The following TMEM114 variants were observed in gnomAD, a reference collection of about 807,000 sequenced individuals.
The protein encoded by TMEM114 is claudin-26.
TMEM114 carries 6 observed loss-of-function variants against 6.2 expected under a neutral mutation model. The observed-to-expected ratio is 0.97, with a 90% CI of 0.53 to 1.91. TMEM114 has a LOEUF of 1.91. Ranked by LOEUF, TMEM114 falls within the 40% of genes most tolerant of loss-of-function variation. The probability of loss-of-function intolerance (pLI) is 0.01; values close to 1 mark genes in which losing one functional copy is unlikely to be tolerated. For synonymous variants in TMEM114, 104 were observed against 73.0 expected, an observed-to-expected ratio of 1.42 and a Z score of -2.16; for missense variants, 218 against 158.3, an observed-to-expected ratio of 1.38 and a Z score of -2.02.
chr16:8,542,686 T>C (rs1369168791), intron 2 of TMEM114, among the ~76,000 whole-genome samples: 3 of 152,090 alleles, frequency 2.0e-5, no homozygotes, highest in Non-Finnish European at 4.4e-5. Flanking sequence ...AGGTGCACTA[T>C]TCAGAAGCAC....
the TMEM114 span, among the ~76,000 whole-genome samples, chr16:8,528,642 T>G: frequency 6.6e-6 from 1 of 152,226 alleles, no homozygotes; most frequent in African/African-American, 2.4e-5. Context: ...GGTATTTAAA[T>G]CGCAGCCTTG....
intron 2 of TMEM114, among the ~76,000 whole-genome samples, chr16:8,545,739 A>G (rs1300843573): frequency 6.6e-6 from 1 of 152,206 alleles, no homozygotes; most frequent in Non-Finnish European, 1.5e-5. Flanking sequence ...CCCTTCTCCA[A>G]CTATATTACC....
At chr16:8,544,191 A>C (rs1320911264) in intron 2 of TMEM114, among the ~76,000 whole-genome samples, 1 of 152,232 alleles carries the variant, frequency 6.6e-6, no homozygotes, top group East Asian at 1.9e-4. Flanking sequence ...GCAAAGACCA[A>C]GTAAAGCATA....
downstream of TMEM114, among the ~76,000 whole-genome samples, chr16:8,533,957 G>C (rs191085439): frequency 2.0e-5 from 3 of 152,242 alleles, no homozygotes; most frequent in East Asian, 5.8e-4. Flanking sequence ...TGTGACATCT[G>C]ACCACGAAAG....
intron 2 of TMEM114, among the ~76,000 whole-genome samples, chr16:8,561,943 A>C (rs1164489775): frequency 6.6e-6 from 1 of 152,130 alleles, no homozygotes; most frequent in African/African-American, 2.4e-5. Context: ...TGAGTAAGTG[A>C]ATGAGTGAAT....
chr16:8,589,911 C>A lies in TMEM114; in HGVS notation c.-73G>T, dbSNP rs1596316704. 3 of 392,036 alleles carry A rather than the reference C, an allele frequency of 7.7e-6. No homozygotes were observed. Among genetic ancestry groups the A allele is most frequent in the East Asian group, 7.3e-5 (2 of 27,544 alleles). 24.3% of individuals were successfully genotyped at this position (392,036 alleles called of 1,614,324 possible). On this transcript the variant is annotated 5_prime_UTR_variant, in exon 1 of 4. Coordinates refer to ENST00000620492, the MANE Select transcript of TMEM114 (RefSeq NM_001146336.2). ...ACCCCTCTGCTCCTGCCCCCGTCCC[C>A]AGCCGGCCACCGCGGGCTCCCAGCT...
downstream of TMEM114, chr16:8,569,466 G>A: frequency 8.2e-7 from 1 of 1,223,550 alleles, no homozygotes; most frequent in Non-Finnish European, 1.0e-6. Context: ...AGTCGGAGGG[G>A]GCGTGAGGAC....
chr16:8,566,991 C>T (rs986278099), downstream of TMEM114, among the ~76,000 whole-genome samples: 2 of 149,444 alleles, frequency 1.3e-5, no homozygotes, highest in Non-Finnish European at 3.0e-5. Context: ...ACCTCCACCT[C>T]CTGGGTTCAA....
rs546996887 is a variant in TMEM114, at chr16:8,549,055, G to A, written n.213-11229C>T. ...GATTTAGCCAGACATGGCAGCATGC[G>A]CCTGCAGTCCCAGCTGCTGGGGAGG... On this transcript the variant is annotated intron_variant and non_coding_transcript_variant, in intron 2 of 2. Coordinates refer to the TMEM114 transcript ENST00000623677. Among the ~76,000 whole-genome samples the A allele has an allele frequency of 3.7e-4, 57 of 152,090 alleles. 1 individual carries two copies. The South Asian group carries it at 0.011, about 30-fold the overall frequency.
chr16:8,566,640 C>G (rs1051205288), downstream of TMEM114, among the ~76,000 whole-genome samples: 1 of 152,192 alleles, frequency 6.6e-6, no homozygotes, highest in Non-Finnish European at 1.5e-5. Context: ...GCATCGCCCA[C>G]TGCCTTCTCT....
chr16:8,555,395 T>G (rs1301183836), intron 2 of TMEM114, among the ~76,000 whole-genome samples: 4 of 152,210 alleles, frequency 2.6e-5, no homozygotes. Context: ...TGCAGTCGTC[T>G]TTATACCCAC....
chr16:8,541,448 T>G (rs1567194193), intron 2 of TMEM114, among the ~76,000 whole-genome samples: 1 of 152,156 alleles, frequency 6.6e-6, no homozygotes, highest in South Asian at 2.1e-4. Flanking sequence ...TTGTAAACAG[T>G]GATATCTACT....
intron 2 of TMEM114, 164 bp from the exon 3 acceptor site, chr16:8,572,388 C>T: frequency 1.3e-6 from 1 of 766,708 alleles, no homozygotes; most frequent in Non-Finnish European, 2.2e-6. Context: ...ATGACCATGA[C>T]AACAGTGGTT....
rs564260074 is a variant in TMEM114, at chr16:8,546,460, C to A, written n.213-8634G>T. Among the ~76,000 whole-genome samples the A allele has an allele frequency of 5.9e-5, 9 of 152,274 alleles. No individual in the cohort carries two copies. In the South Asian group the frequency reaches 8.3e-4, roughly 14 times the overall value. ...TGAACCCTGACCCAAAAATCTGCAG[C>A]GACCAGCCCGGACATTATCTACAGG... On this transcript the variant is annotated intron_variant and non_coding_transcript_variant, in intron 2 of 2. Transcript: ENST00000623677.
At chr16:8,527,556 A>C in the TMEM114 span, among the ~76,000 whole-genome samples, 1 of 151,994 alleles carries the variant, frequency 6.6e-6, no homozygotes, top group Admixed American at 6.5e-5. Context: ...TTTTTTAATC[A>C]TGGAATTTTG....
intron 2 of TMEM114, among the ~76,000 whole-genome samples, chr16:8,549,777 C>G (rs1218795028): frequency 6.6e-6 from 1 of 152,030 alleles, no homozygotes. Context: ...AGAACTTCTA[C>G]CTGTATTAGT....
intron 2 of TMEM114, among the ~76,000 whole-genome samples, chr16:8,552,342 C>G (rs191095863): frequency 3.9e-5 from 6 of 152,156 alleles, no homozygotes; most frequent in South Asian, 2.1e-4. Flanking sequence ...TATATTCACT[C>G]CACTGCTCTC....
chr16:8,573,845 G>T (rs911854082), intron 2 of TMEM114, among the ~76,000 whole-genome samples: 2 of 152,180 alleles, frequency 1.3e-5, no homozygotes, highest in Non-Finnish European at 2.9e-5. Context: ...GGGCATCTGA[G>T]TCACTTTTAT....
At chr16:8,555,487 T>C (rs1900981587) in intron 2 of TMEM114, among the ~76,000 whole-genome samples, 1 of 152,074 alleles carries the variant, frequency 6.6e-6, no homozygotes, top group Non-Finnish European at 1.5e-5. Context: ...TGGGGAGGTG[T>C]TGCCATGGCA....
Sources: allele counts gnomAD v4.1 joint callset (sites outside exome capture counted in the v4.1 genomes callset), GRCh38; gene constraint gnomAD v4.1.1; transcripts MANE v1.5; gene names NCBI Gene and HGNC (gene_info 2026-07-23, HGNC 2026-07-21).